The following CEP112 variants were observed in gnomAD, a reference collection of about 807,000 sequenced individuals.
The protein encoded by CEP112 is centrosomal protein of 112 kDa.
A neutral mutation model predicts 153.0 loss-of-function variants in CEP112; 127 were observed. The observed-to-expected ratio is 0.83, with a 90% CI of 0.72 to 0.96. CEP112 has a LOEUF of 0.96. Among genes scored for constraint, CEP112 ranks in the 40% least tolerant of loss-of-function variants. The pLI is 0.00. For synonymous variants in CEP112, 358 were observed against 374.4 expected (o/e 0.96, Z 0.51); for missense variants, 1,089 against 1,101.2 (o/e 0.99, Z 0.16).
At chr17:65,985,070 G>A (rs9903001) in intron 17 of CEP112, among the ~76,000 whole-genome samples, 79,128 of 151,954 alleles carry the variant, frequency 0.52, 21,613 homozygotes, top group African/African-American at 0.6. Context: ...GAAATCTGAG[G>A]CAATGAGTAA....
chr17:66,070,235 T>G (rs1029310739), intron 8 of CEP112, among the ~76,000 whole-genome samples: 3 of 152,120 alleles, frequency 2.0e-5, no homozygotes, highest in Admixed American at 6.5e-5. Context: ...TAGGCAAAAC[T>G]GACAATATGA....
At chr17:66,029,323 AGC>A in intron 13 of CEP112, 71 bp from the exon 14 acceptor site, 42 of 1,335,642 alleles carry the variant, frequency 3.1e-5, no homozygotes, top group Non-Finnish European at 3.6e-5. Context: ...TTTTTTAATC[AGC>A]TAAATCCAAA....
intron 7 of CEP112, 42 bp from the exon 8 acceptor site, chr17:66,096,370 G>C (rs1568485422): frequency 1.3e-6 from 2 of 1,568,612 alleles, no homozygotes; most frequent in Admixed American, 1.7e-5. Context: ...TTTCAGATCT[G>C]GTTTATCCTT....
At chr17:65,967,625 C>T (rs891885166) in intron 17 of CEP112, among the ~76,000 whole-genome samples, 3 of 151,850 alleles carry the variant, frequency 2.0e-5, no homozygotes, top group South Asian at 2.1e-4. Flanking sequence ...ATACAAAGAA[C>T]GTAACAATGA....
chr17:65,814,120 T>C (rs1387256414), intron 21 of CEP112, among the ~76,000 whole-genome samples: 3 of 152,228 alleles, frequency 2.0e-5, no homozygotes, highest in South Asian at 2.1e-4. Context: ...ACAGTACCCA[T>C]GTAAGGCAAG....
At chr17:65,645,694 T>TA (rs1362073473) in intron 24 of CEP112, among the ~76,000 whole-genome samples, 4 of 152,254 alleles carry the variant, frequency 2.6e-5, no homozygotes, top group Admixed American at 6.5e-5. Context: ...GAAGAGCTGT[T>TA]ATAAAGAACT....
At chr17:66,166,055 T>C (rs1015169930) in intron 4 of CEP112, among the ~76,000 whole-genome samples, 1 of 152,186 alleles carries the variant, frequency 6.6e-6, no homozygotes, top group African/African-American at 2.4e-5. Context: ...ATGTATTATT[T>C]AGATGACCCA....
chr17:66,109,956 C>A (rs1024914640), intron 6 of CEP112, among the ~76,000 whole-genome samples: 7 of 152,088 alleles, frequency 4.6e-5, no homozygotes, highest in Admixed American at 2.0e-4. Context: ...GTCAGGAGAT[C>A]GTGACCATCC....
At chr17:65,749,883 C>G (rs2051716326) in intron 22 of CEP112, among the ~76,000 whole-genome samples, 1 of 143,872 alleles carries the variant, frequency 7.0e-6, no homozygotes, top group Admixed American at 7.0e-5. Context: ...AATATGAAGA[C>G]AAGCTGATTT....
chr17:65,778,872 C>T (rs2145603961), intron 21 of CEP112, among the ~76,000 whole-genome samples: 1 of 152,164 alleles, frequency 6.6e-6, no homozygotes, highest in South Asian at 2.1e-4. Flanking sequence ...CAGTGACTTG[C>T]ACTTTTAATC....
chr17:66,015,991 T>C (rs1305179277), intron 16 of CEP112, among the ~76,000 whole-genome samples: 3 of 152,210 alleles, frequency 2.0e-5, no homozygotes, highest in African/African-American at 7.2e-5. Context: ...GCTGATTTAA[T>C]TCTTTACAAA....
chr17:66,165,566 A>G (rs75267256), intron 4 of CEP112, among the ~76,000 whole-genome samples: 199 of 152,356 alleles, frequency 1.3e-3, no homozygotes, highest in African/African-American at 4.6e-3. Context: ...GCAATTTATA[A>G]TGTTATATAG....
intron 21 of CEP112, among the ~76,000 whole-genome samples, chr17:65,841,789 C>T (rs1483614412): frequency 6.6e-6 from 1 of 151,832 alleles, no homozygotes; most frequent in East Asian, 1.9e-4. Context: ...TACATATCAA[C>T]ATAAATTTTT....
intron 18 of CEP112, among the ~76,000 whole-genome samples, chr17:65,936,144 A>G (rs2144344570): frequency 6.6e-6 from 1 of 152,310 alleles, no homozygotes; most frequent in East Asian, 1.9e-4. Context: ...TAGCTGAGGA[A>G]ACAGATGAAT....
At chr17:65,923,865 C>T (rs965197971) in intron 19 of CEP112, among the ~76,000 whole-genome samples, 6 of 152,262 alleles carry the variant, frequency 3.9e-5, no homozygotes, top group African/African-American at 7.2e-5. Context: ...TTCTAAAAAG[C>T]GCTTTATTCC....
At chr17:65,770,149 C>A in intron 21 of CEP112, among the ~76,000 whole-genome samples, 1 of 148,472 alleles carries the variant, frequency 6.7e-6, no homozygotes, top group African/African-American at 2.5e-5. Flanking sequence ...GATCATCAAA[C>A]AAACAAACAA....
chr17:65,782,353 G>A (rs149377894), intron 21 of CEP112, among the ~76,000 whole-genome samples: 305 of 152,196 alleles, frequency 2.0e-3, no homozygotes, highest in African/African-American at 7.0e-3. Context: ...ATGTTGGTGA[G>A]GCTGCAGAGA....
At chr17:65,929,926 G>A (rs1441231586) in intron 18 of CEP112, among the ~76,000 whole-genome samples, 1 of 152,198 alleles carries the variant, frequency 6.6e-6, no homozygotes, top group African/African-American at 2.4e-5. Context: ...ATGAGAAAGA[G>A]ATGTTCTTAC....
intron 24 of CEP112, among the ~76,000 whole-genome samples, chr17:65,650,723 T>A (rs2045706705): frequency 9.2e-6 from 1 of 108,790 alleles, no homozygotes; most frequent in Admixed American, 1.1e-4. Context: ...TGGTGAAAAC[T>A]CTCTACTAAA....
Sources: allele counts gnomAD v4.1 joint callset (sites outside exome capture counted in the v4.1 genomes callset), GRCh38; gene constraint gnomAD v4.1.1; transcripts MANE v1.5; gene names NCBI Gene and HGNC (gene_info 2026-07-23, HGNC 2026-07-21).